Variants in ENTPD1 observed in about 807,000 individuals in gnomAD.
The protein encoded by ENTPD1 is ATP diphosphohydrolase.
Under a neutral mutation model 57.0 loss-of-function variants are expected in ENTPD1, and 33 were observed. That is an observed-to-expected ratio of 0.58 (90% CI 0.44 to 0.77). The LOEUF is 0.77. Ranked by LOEUF, ENTPD1 falls within the 30% of genes least tolerant of loss-of-function variation. The probability of loss-of-function intolerance (pLI) is 0.00; values close to 1 mark genes in which losing one functional copy is unlikely to be tolerated. For missense variants in ENTPD1, 501 were observed against 603.4 expected, an observed-to-expected ratio of 0.83 and a Z score of 1.78; for synonymous variants, 202 against 218.8, an observed-to-expected ratio of 0.92 and a Z score of 0.68.
intron 1 of ENTPD1, among the ~76,000 whole-genome samples, chr10:95,786,170 T>C (rs2098178937): frequency 6.6e-6 from 1 of 152,138 alleles, no homozygotes; most frequent in Non-Finnish European, 1.5e-5. Context: ...TGTTCCAAAC[T>C]CCCTAGGGAT....
intron 1 of ENTPD1, among the ~76,000 whole-genome samples, chr10:95,815,987 C>T (rs1263734929): frequency 6.6e-6 from 1 of 152,156 alleles, no homozygotes; most frequent in Non-Finnish European, 1.5e-5. Context: ...GCCCTCCTTA[C>T]CTCCTTGAGC....
intron 1 of ENTPD1, among the ~76,000 whole-genome samples, chr10:95,725,931 G>A (rs1445529230): frequency 6.6e-6 from 1 of 152,200 alleles, no homozygotes; most frequent in South Asian, 2.1e-4. Flanking sequence ...GCTGGCAAAA[G>A]TGGTTTTCTC....
At chr10:95,805,923 A>AT (rs1458258434) in intron 1 of ENTPD1, among the ~76,000 whole-genome samples, 5 of 151,974 alleles carry the variant, frequency 3.3e-5, no homozygotes, top group Non-Finnish European at 7.4e-5. Context: ...TGCCCTTAAC[A>AT]TTTTTTCCTT....
In ENTPD1 at chr10:95,873,822, G is replaced by A; in HGVS notation, c.*7439G>A. 1 of 531,692 alleles carries A rather than the reference G, an allele frequency of 1.9e-6. No homozygotes were observed. The highest frequency in any genetic ancestry group is 2.4e-6 in the Non-Finnish European group (1 of 415,058). The allele number at this position is 531,692 out of a possible 1,614,324, so 32.9% of individuals were successfully genotyped here. ...CCTCAAAATCAGGTGGGAGGCAAAA[G>A]GTACTTCTTACGTGGTGGCATCAAG... On this transcript the variant is annotated 3_prime_UTR_variant, in exon 10 of 10. Coordinates refer to ENST00000371205, the MANE Select transcript of ENTPD1 (RefSeq NM_001776.6).
At chr10:95,726,147 T>G (rs2097983418) in intron 1 of ENTPD1, among the ~76,000 whole-genome samples, 1 of 152,246 alleles carries the variant, frequency 6.6e-6, no homozygotes, top group Non-Finnish European at 1.5e-5. Flanking sequence ...GTTGTCTGCC[T>G]TTGCTCAATT....
chr10:95,861,031 C>T (rs1418206855), intron 8 of ENTPD1, among the ~76,000 whole-genome samples: 3 of 152,204 alleles, frequency 2.0e-5, no homozygotes, highest in Non-Finnish European at 1.5e-5. Flanking sequence ...GCAGTCTTCC[C>T]CTTATATCTC....
Position 95,866,378 on chromosome 10 carries a change from G to A in ENTPD1, c.1528G>A (p.Val510Ile), listed in dbSNP as rs2098474535. Residue 510 changes from valine (V) to isoleucine (I), a missense_variant, in exon 10 of 10, where the codon GTA (valine) becomes ATA (isoleucine). Physicochemically the swap from Val to Ile is conservative, Grantham distance 29. Coordinates refer to ENST00000371205, the MANE Select transcript of ENTPD1 (RefSeq NM_001776.6). Reference protein sequence around the residue: ...HKPSYFWKDMV With the variant: ...HKPSYFWKDMI The stretch of plus-strand genomic sequence containing the variant: ...GCCTTCATATTTCTGGAAAGATATG[G>A]TATAGCAAAAGCAGCTGAAATATGC... 1.2e-6 allele frequency: 2 copies of A among 1,614,032 alleles called. No homozygotes were observed. The highest frequency in any genetic ancestry group is 2.2e-5 in the South Asian group (2 of 91,074).
In ENTPD1 at chr10:95,823,451, T is replaced by C. The variant is rs527458380; in HGVS notation, c.144+87T>C. 2.4e-5 allele frequency: 39 copies of C among 1,596,066 alleles called. No homozygotes were observed. In the African/African-American group the frequency reaches 2.9e-4, roughly 12 times the overall value. On this transcript the variant is annotated intron_variant, in intron 2 of 9. Transcript: ENST00000371205. Reference sequence around the variant, plus strand: ...GAGGAGGGATAAGGTATGTAGAGCATAGGGGACGAGTTGAGGTTCTAACAG... The same window carrying C: ...GAGGAGGGATAAGGTATGTAGAGCACAGGGGACGAGTTGAGGTTCTAACAG...
chr10:95,864,702 C>G (rs777373399), intron 8 of ENTPD1, 22 bp from the exon 9 acceptor site: 1 of 1,613,958 alleles, frequency 6.2e-7, no homozygotes, highest in South Asian at 1.1e-5. Flanking sequence ...CGAGTATGAT[C>G]TCCCCCTCAC....
chr10:95,816,023 G>C (rs1431478470), intron 1 of ENTPD1, among the ~76,000 whole-genome samples: 1 of 152,190 alleles, frequency 6.6e-6, no homozygotes, highest in Admixed American at 6.5e-5. Flanking sequence ...GAAGTTGTGT[G>C]CATGCTCATC....
chr10:95,868,609 C>T lies in ENTPD1; in HGVS notation c.*2226C>T, dbSNP rs1162400218. On this transcript the variant is annotated 3_prime_UTR_variant, in exon 10 of 10. Transcript: ENST00000371205. Reference sequence around the variant, plus strand: ...CTGTCATGCACACAATCTATTCTGACCCTCACAACAACCCATAAGGGTGTA... The same window carrying T: ...CTGTCATGCACACAATCTATTCTGATCCTCACAACAACCCATAAGGGTGTA... 7.1e-6 allele frequency: 7 copies of T among 984,742 alleles called. No homozygotes were observed. The African/African-American group carries it at 8.7e-5, about 12-fold the overall frequency. The allele number at this position is 984,742 out of a possible 1,614,324, so 61.0% of individuals were successfully genotyped here.
chr10:95,721,105 A>G (rs372442520), intron 1 of ENTPD1, among the ~76,000 whole-genome samples: 18 of 152,292 alleles, frequency 1.2e-4, no homozygotes, highest in Middle Eastern at 3.4e-3. Context: ...TTGGCCTTCA[A>G]TAGAGTCAGG....
At chr10:95,844,679 A>C in intron 5 of ENTPD1, 44 bp downstream of exon 5, 1 of 1,611,698 alleles carries the variant, frequency 6.2e-7, no homozygotes, top group Non-Finnish European at 8.5e-7. Context: ...TCTGGAGGCC[A>C]ATGCCATTGC....
chr10:95,863,098 G>C (rs772665643), intron 8 of ENTPD1, among the ~76,000 whole-genome samples: 3 of 152,208 alleles, frequency 2.0e-5, no homozygotes, highest in Non-Finnish European at 2.9e-5. Flanking sequence ...GATTGATGAA[G>C]AAGGTGGATG....
intron 8 of ENTPD1, 128 bp downstream of exon 8, chr10:95,860,710 C>T (rs966970627): frequency 5.3e-6 from 4 of 753,904 alleles, no homozygotes; most frequent in Non-Finnish European, 9.3e-6. Context: ...TAGAGAAGAC[C>T]AGATGGTGGA....
At chr10:95,711,935 C>T in exon 1 of ENTPD1, 1 of 1,612,674 alleles carries the variant, frequency 6.2e-7, no homozygotes, top group Non-Finnish European at 8.5e-7. Flanking sequence ...ACCAAAGCTG[C>T]TCTGTTCTTC....
At chr10:95,694,837 C>A in the ENTPD1 span, among the ~76,000 whole-genome samples, 50 of 151,732 alleles carry the variant, frequency 3.3e-4, 1 homozygote, top group East Asian at 8.9e-3. Context: ...GCATGGTAGT[C>A]ACCGGCCTTA....
chr10:95,796,889 G>A (rs2098228383), intron 1 of ENTPD1, among the ~76,000 whole-genome samples: 1 of 151,946 alleles, frequency 6.6e-6, no homozygotes, highest in South Asian at 2.1e-4. Flanking sequence ...GACCAGCCTG[G>A]GCAACATATT....
chr10:95,868,638 A>C lies in ENTPD1; in HGVS notation c.*2255A>C. 1.0e-6 allele frequency: 1 copy of C among 981,230 alleles called. No individual in the cohort carries two copies. The highest frequency in any genetic ancestry group is 1.2e-6 in the Non-Finnish European group (1 of 826,070). 60.8% of individuals were successfully genotyped at this position (981,230 alleles called of 1,614,324 possible). A position where few individuals can be genotyped will look rare whatever the true frequency, so the allele number is the denominator to read the frequency against. On this transcript the variant is annotated 3_prime_UTR_variant, in exon 10 of 10. Coordinates refer to ENST00000371205, the MANE Select transcript of ENTPD1 (RefSeq NM_001776.6). ...CACAACAACCCATAAGGGTGTAAAT[A>C]GTATTTCCATTTTACAAATGAGGAT...
Sources: allele counts gnomAD v4.1 joint callset (sites outside exome capture counted in the v4.1 genomes callset), GRCh38; gene constraint gnomAD v4.1.1; transcripts MANE v1.5; gene names NCBI Gene and HGNC (gene_info 2026-07-23, HGNC 2026-07-21).